The following SH3TC1 variants were observed in gnomAD, a reference collection of about 807,000 sequenced individuals.
SH3TC1 encodes the protein SH3 domain and tetratricopeptide repeats 1, also known as SH3 domain and tetratricopeptide repeat-containing protein 1.
Under a neutral mutation model 117.3 loss-of-function variants are expected in SH3TC1, and 135 were observed. The ratio of observed to expected loss-of-function variants is 1.15; its 90% CI spans 1.00 to 1.33. SH3TC1 has a LOEUF of 1.33. Among genes scored for constraint, SH3TC1 ranks in the 40% most tolerant of loss-of-function variants. The pLI, the probability that SH3TC1 is intolerant of heterozygous loss-of-function variation, is 0.00. For synonymous variants in SH3TC1, 898 were observed against 816.9 expected (o/e 1.10, Z -1.69); for missense variants, 2,092 against 1,794.3 (o/e 1.17, Z -3.00).
Position 8,232,055 on chromosome 4 carries a change from T to G in SH3TC1, c.3030T>G (p.His1010Gln), listed in dbSNP as rs750581940. The stretch of plus-strand genomic sequence containing the variant: ...GCGAGGCCCAGTGTGTCATCTACCA[T>G]GAGCTCCAGCTCTCCCTGGCCTGCA... ...MPSEAQCVIY[H>Q]ELQLSLACKV... Residue 1010 changes from histidine (H) to glutamine (Q), a missense_variant, in exon 13 of 18, where the codon CAT becomes CAG. Transcript: ENST00000245105. 2.6e-5 allele frequency: 42 copies of G among 1,613,262 alleles called. No individual in the cohort carries two copies. The Admixed American group carries it at 4.5e-4, about 17-fold the overall frequency.
At chr4:8,213,395 T>G (rs1393566037) in intron 4 of SH3TC1, among the ~76,000 whole-genome samples, 1 of 152,190 alleles carries the variant, frequency 6.6e-6, no homozygotes, top group African/African-American at 2.4e-5. Context: ...AGCCACATAC[T>G]GGGGATGCTT....
At chr4:8,202,426 C>A (rs1375915247) in intron 1 of SH3TC1, among the ~76,000 whole-genome samples, 1 of 152,232 alleles carries the variant, frequency 6.6e-6, no homozygotes, top group African/African-American at 2.4e-5. Context: ...GTCTCATGGG[C>A]TGCACCCTGC....
At chr4:8,208,025 A>G (rs996638877) in intron 2 of SH3TC1, among the ~76,000 whole-genome samples, 1 of 152,226 alleles carries the variant, frequency 6.6e-6, no homozygotes, top group African/African-American at 2.4e-5. Context: ...CGGGCTGGAC[A>G]GGACCCCTGT....
In SH3TC1 at chr4:8,212,806, G is replaced by C. The variant is rs567397185; in HGVS notation, c.353G>C (p.Arg118Pro). ...CTCCGCCTGCTGGAGAATGATAGCC[G>C]GGAGATGGCCCGCGTGCTTGGGGTG... The part of the protein sequence containing the change: ...GQLRLLENDS[R>P]EMARVLGELS... The change falls in exon 4 of 18, where the codon CGG becomes CCG. Residue 118 changes from arginine to proline, a missense_variant. By Grantham distance (103) the Arg-to-Pro change is moderately radical. Transcript: ENST00000245105. 2 of 1,599,310 alleles carry C rather than the reference G, an allele frequency of 1.3e-6. No individual in the cohort carries two copies. Among genetic ancestry groups the C allele is most frequent in the Admixed American group, 3.4e-5 (2 of 58,136 alleles).
chr4:8,210,065 C>G lies in SH3TC1; in HGVS notation c.247+243C>G, dbSNP rs1718526123. ...TGTGTGCACCTGCACAAACGGCAGA[C>G]ACGGTCCTGGGGGCTCCGTGGGTGA... On this transcript the variant is annotated intron_variant, in intron 3 of 17. Coordinates refer to ENST00000245105, the MANE Select transcript of SH3TC1 (RefSeq NM_018986.5). This position sits in a 1 kb window ranked among gnomAD's most constrained non-coding sequence, Gnocchi z 4.1. Among the ~76,000 whole-genome samples, 1 of 152,236 alleles carries G rather than the reference C, an allele frequency of 6.6e-6. No homozygotes were observed. The highest frequency in any genetic ancestry group is 6.5e-5 in the Admixed American group (1 of 15,290).
At chr4:8,216,008 G>T in intron 5 of SH3TC1, 103 bp from the exon 6 acceptor site, 1 of 1,388,090 alleles carries the variant, frequency 7.2e-7, no homozygotes, top group South Asian at 1.4e-5. Flanking sequence ...GGTCTCCCTG[G>T]ACCTGGTCAG....
At chr4:8,193,439 G>A (rs1023808110) in intron 1 of SH3TC1, among the ~76,000 whole-genome samples, 10 of 152,168 alleles carry the variant, frequency 6.6e-5, no homozygotes, top group Admixed American at 1.3e-4. Context: ...AATTGTTTGA[G>A]CTGGCCCTGA....
intron 1 of SH3TC1, among the ~76,000 whole-genome samples, chr4:8,203,541 T>C (rs1717976005): frequency 6.6e-6 from 1 of 152,140 alleles, no homozygotes; most frequent in African/African-American, 2.4e-5. Flanking sequence ...GCTCCATCTG[T>C]GCTTGATGTA....
chr4:8,226,946 C>T (rs1720505689), intron 11 of SH3TC1, 34 bp from the exon 12 acceptor site: 6 of 1,484,426 alleles, frequency 4.0e-6, no homozygotes, highest in South Asian at 1.4e-5. Flanking sequence ...CACTGCTGGA[C>T]TCTAATCTGT....
At chr4:8,201,961 G>C (rs1436274859) in intron 1 of SH3TC1, among the ~76,000 whole-genome samples, 1 of 152,226 alleles carries the variant, frequency 6.6e-6, no homozygotes, top group Non-Finnish European at 1.5e-5. Flanking sequence ...GGACAAAAAG[G>C]CAGAGATGGG....
At chr4:8,237,428 C>G in intron 16 of SH3TC1, 46 bp from the exon 17 acceptor site, 1 of 1,445,128 alleles carries the variant, frequency 6.9e-7, no homozygotes, top group African/African-American at 1.4e-5. Flanking sequence ...CATGCCTGCC[C>G]CGGGGAGCCA....
At position 8,236,275 on chromosome 4, in the gene SH3TC1, C is replaced by G. The variant is rs1235070493; in HGVS notation, c.3406-3C>G. 1.3e-6 allele frequency: 2 copies of G among 1,545,806 alleles called. No individual in the cohort carries two copies. The highest frequency in any genetic ancestry group is 1.7e-6 in the Non-Finnish European group (2 of 1,144,706). The stretch of plus-strand genomic sequence containing the variant: ...AGCCTGACCCCACCTGCCTGTGTGG[C>G]AGGACCGGGCCCTGCCCCTGGCAGT... On this transcript the variant is annotated splice_polypyrimidine_tract_variant and splice_region_variant and intron_variant, in intron 15 of 17. Transcript: ENST00000245105.
chr4:8,229,046 T>G (rs1720868742), intron 12 of SH3TC1: 2 of 191,144 alleles, frequency 1.0e-5, no homozygotes, highest in Admixed American at 5.5e-5. Context: ...TGTTATCTGC[T>G]TGACATCTCG....
intron 1 of SH3TC1, among the ~76,000 whole-genome samples, chr4:8,193,090 G>A (rs1454904678): frequency 6.6e-6 from 1 of 152,256 alleles, no homozygotes; most frequent in African/African-American, 2.4e-5. Flanking sequence ...CTTTCCTGCT[G>A]TAAGGGCAGG....
intron 1 of SH3TC1, among the ~76,000 whole-genome samples, chr4:8,200,708 C>T (rs901691714): frequency 5.9e-5 from 9 of 152,254 alleles, no homozygotes; most frequent in Non-Finnish European, 2.9e-5. Flanking sequence ...CGTGTTCTCT[C>T]GCGGCTCTGG....
At chr4:8,198,282 T>C (rs1392159916), upstream of SH3TC1, among the ~76,000 whole-genome samples, 1 of 152,208 alleles carries the variant, frequency 6.6e-6, no homozygotes. Flanking sequence ...GTCTGTGAGA[T>C]GGATACATAA....
At chr4:8,197,991 A>G (rs1240153062), upstream of SH3TC1, among the ~76,000 whole-genome samples, 1 of 152,082 alleles carries the variant, frequency 6.6e-6, no homozygotes, top group East Asian at 1.9e-4. Flanking sequence ...CTTCACCCCC[A>G]GGGGATCAAT....
Position 8,190,715 on chromosome 4 carries a change from G to T in SH3TC1, c.-57+8505G>T, listed in dbSNP as rs1292443446. Among the ~76,000 whole-genome samples, 1 of 151,866 alleles carries T rather than the reference G, an allele frequency of 6.6e-6. No individual in the cohort carries two copies. Among genetic ancestry groups the T allele is most frequent in the East Asian group, 1.9e-4 (1 of 5,168 alleles). On this transcript the variant is annotated intron_variant, in intron 1 of 16. Transcript: ENST00000508641. The surrounding 1 kb of genome is among the most constrained non-coding windows in gnomAD (Gnocchi z 4.7). ...GAGTGCAGTAGTGTGGTTATCGCTC[G>T]CTGCAGCCTCCAACTCCTGGGCTCA... is the stretch of plus-strand genomic sequence containing the variant.
rs1329821609 is a variant in SH3TC1, at chr4:8,190,558, TCTC to T, written c.-57+8352_-57+8354del. On this transcript the variant is annotated intron_variant, in intron 1 of 16. Transcript: ENST00000508641. This position sits in a 1 kb window ranked among gnomAD's most constrained non-coding sequence, Gnocchi z 4.7. Reference sequence around the variant, plus strand: ...TGCTGTGTGCCCTCATCTGGGACCTTCTCCTCTGTGCACTCTCTCGGTCACCCA... The same window carrying T: ...TGCTGTGTGCCCTCATCTGGGACCTTCTCTGTGCACTCTCTCGGTCACCCA... 6.6e-6 allele frequency among the ~76,000 whole-genome samples: 1 copy of T among 151,896 alleles called. No individual in the cohort carries two copies. Among genetic ancestry groups the T allele is most frequent in the Non-Finnish European group, 1.5e-5 (1 of 67,968 alleles).
Sources: allele counts gnomAD v4.1 joint callset (sites outside exome capture counted in the v4.1 genomes callset), GRCh38; gene constraint gnomAD v4.1.1; non-coding constraint Gnocchi (gnomAD v3.1); transcripts MANE v1.5; gene names NCBI Gene and HGNC (gene_info 2026-07-23, HGNC 2026-07-21).